The following RARB variants were observed in gnomAD, a reference collection of about 807,000 sequenced individuals.
The protein encoded by RARB is HBV-activated protein.
A neutral mutation model predicts 51.9 loss-of-function variants in RARB; 17 were observed. The observed-to-expected ratio is 0.33, with a 90% CI of 0.22 to 0.49. The LOEUF (loss-of-function observed/expected upper bound fraction) is 0.49. RARB is among the 20% of genes least tolerant of loss of function. The pLI is 0.99. For synonymous variants in RARB, 215 were observed against 195.4 expected, an observed-to-expected ratio of 1.10 and a Z score of -0.84; for missense variants, 369 against 550.8, an observed-to-expected ratio of 0.67 and a Z score of 3.30.
At chr3:25,411,647 G>A (rs955040672) in intron 5 of RARB, among the ~76,000 whole-genome samples, 2 of 152,144 alleles carry the variant, frequency 1.3e-5, no homozygotes, top group African/African-American at 4.8e-5. Flanking sequence ...CACTCAAATC[G>A]CCCGAGGAAT....
intron 5 of RARB, among the ~76,000 whole-genome samples, chr3:25,265,266 C>T (rs1413158711): frequency 6.6e-6 from 1 of 152,078 alleles, no homozygotes; most frequent in Non-Finnish European, 1.5e-5. Flanking sequence ...AGACCAATTG[C>T]TTAATTATTT....
At chr3:24,988,624 A>G (rs1696845542) in intron 2 of RARB, among the ~76,000 whole-genome samples, 1 of 152,070 alleles carries the variant, frequency 6.6e-6, no homozygotes, top group Non-Finnish European at 1.5e-5. Flanking sequence ...CTGTTTAAAA[A>G]TTTTACCTTA....
chr3:25,400,348 C>G (rs1707231285), intron 5 of RARB, among the ~76,000 whole-genome samples: 1 of 152,142 alleles, frequency 6.6e-6, no homozygotes, highest in African/African-American at 2.4e-5. Context: ...GCATAAGTAT[C>G]AAACCTGGTT....
chr3:25,483,932 ATTTGC>A (rs1016403122), intron 2 of RARB, among the ~76,000 whole-genome samples: 28 of 152,288 alleles, frequency 1.8e-4, no homozygotes, highest in African/African-American at 6.7e-4. Flanking sequence ...TTGCAGCGTA[ATTTGC>A]TTTATTTATT....
At chr3:24,951,466 G>T (rs1695889447) in intron 2 of RARB, among the ~76,000 whole-genome samples, 1 of 152,196 alleles carries the variant, frequency 6.6e-6, no homozygotes, top group African/African-American at 2.4e-5. Flanking sequence ...AGAGTGATGT[G>T]CTTAGGATCT....
intron 5 of RARB, among the ~76,000 whole-genome samples, chr3:25,207,907 G>A (rs566933701): frequency 3.3e-4 from 50 of 152,232 alleles, no homozygotes; most frequent in East Asian, 5.8e-4. Flanking sequence ...TTGTACAAGC[G>A]TGGTGCTGGC....
chr3:25,337,190 C>A (rs1264534161), intron 5 of RARB, among the ~76,000 whole-genome samples: 1 of 152,040 alleles, frequency 6.6e-6, no homozygotes, highest in Non-Finnish European at 1.5e-5. Flanking sequence ...CCACTATTAC[C>A]ACCATCCTTT....
chr3:25,327,208 G>T (rs557249588), intron 5 of RARB, among the ~76,000 whole-genome samples: 126 of 152,142 alleles, frequency 8.3e-4, no homozygotes, highest in Non-Finnish European at 1.2e-4. Flanking sequence ...AAGAGAAAAC[G>T]AATGGGAAGA....
intron 5 of RARB, among the ~76,000 whole-genome samples, chr3:25,257,014 C>G (rs950407164): frequency 6.6e-6 from 1 of 152,004 alleles, no homozygotes; most frequent in Non-Finnish European, 1.5e-5. Flanking sequence ...TCCTGACAGC[C>G]TCAGAAAAGG....
At chr3:25,577,322 C>T (rs1157394149) in intron 4 of RARB, among the ~76,000 whole-genome samples, 2 of 152,180 alleles carry the variant, frequency 1.3e-5, no homozygotes, top group Admixed American at 1.3e-4. Context: ...TAAAGAGAGT[C>T]GGTGATCGTT....
chr3:25,304,621 C>G (rs190786189), intron 5 of RARB, among the ~76,000 whole-genome samples: 1 of 152,358 alleles, frequency 6.6e-6, no homozygotes, highest in Non-Finnish European at 1.5e-5. Flanking sequence ...CATCCAGAAT[C>G]TAACCACTGA....
chr3:25,579,756 C>A (rs1056727969), intron 4 of RARB, among the ~76,000 whole-genome samples: 1 of 152,160 alleles, frequency 6.6e-6, no homozygotes, highest in Non-Finnish European at 1.5e-5. Context: ...GATAGCTGTA[C>A]CCACTTTGTG....
Position 25,316,900 on chromosome 3 carries a change from C to T in RARB, c.178+142325C>T, listed in dbSNP as rs148643884. On this transcript the variant is annotated intron_variant, in intron 5 of 11. Coordinates refer to the RARB transcript ENST00000383772. ...AACTCTAAGAAACTATCCAGTTAAC[C>T]GTCTCATTGTACGATGAAGAAGTGA... 2.2e-3 allele frequency among the ~76,000 whole-genome samples: 328 copies of T among 152,208 alleles called. 1 individual carries two copies. Among genetic ancestry groups the T allele is most frequent in the Admixed American group, 4.4e-3 (67 of 15,276 alleles).
intron 3 of RARB, among the ~76,000 whole-genome samples, chr3:25,541,757 A>G (rs922494907): frequency 1.1e-4 from 16 of 152,206 alleles, no homozygotes; most frequent in African/African-American, 3.6e-4. Context: ...GTAAGCAGAC[A>G]GTGTAAATAT....
At chr3:25,466,391 A>G (rs1413610509) in intron 2 of RARB, among the ~76,000 whole-genome samples, 1 of 151,858 alleles carries the variant, frequency 6.6e-6, no homozygotes, top group African/African-American at 2.4e-5. Context: ...AGACGGGGTT[A>G]CTCCATGTTG....
rs34124476 is a variant in RARB at position 25,146,002 on chromosome 3, T to TAAA, written c.-280+13805_-280+13807dup. ...GGGCAACAAAGAGTAAAACTTCATC[T>TAAA]AAAAAAAAAAAAATTCATGCCTAAG... On this transcript the variant is annotated intron_variant, in intron 4 of 11. Coordinates refer to the RARB transcript ENST00000383772. Among the ~76,000 whole-genome samples the TAAA allele has an allele frequency of 5.4e-3, 796 of 146,532 alleles. 6 individuals are homozygous for TAAA. The highest frequency in any genetic ancestry group is 0.019 in the African/African-American group (747 of 39,798).
In RARB at chr3:25,279,708, A is replaced by G. The variant is rs912498977; in HGVS notation, c.178+105133A>G. Among the ~76,000 whole-genome samples, 17 of 152,308 alleles carry G rather than the reference A, an allele frequency of 1.1e-4. No homozygotes were observed. In the East Asian group the frequency reaches 2.5e-3, roughly 23 times the overall value. The stretch of plus-strand genomic sequence containing the variant: ...GGTGGATGGCCAGAGCCAATGAAGA[A>G]TGAGAAGGTCTTGGTGGTGAGGATG... On this transcript the variant is annotated intron_variant, in intron 5 of 11. Transcript: ENST00000383772.
intron 2 of RARB, among the ~76,000 whole-genome samples, chr3:24,929,977 G>A (rs1695405209): frequency 6.6e-6 from 1 of 151,990 alleles, no homozygotes; most frequent in Non-Finnish European, 1.5e-5. Flanking sequence ...AATTGATTTG[G>A]TACAGAGTAT....
chr3:24,859,001 C>T (rs1702685592), intron 2 of RARB, among the ~76,000 whole-genome samples: 1 of 128,862 alleles, frequency 7.8e-6, no homozygotes, highest in South Asian at 2.4e-4. Context: ...CCTGCCACTG[C>T]ACTTCAGCCT....
Sources: gnomAD v4.1 joint callset for allele counts (sites outside exome capture counted in the v4.1 genomes callset) on GRCh38, gnomAD v4.1.1 for gene constraint, MANE v1.5 for transcripts, NCBI Gene and HGNC (gene_info 2026-07-23, HGNC 2026-07-21) for gene names.